Variants in RBFOX1 observed in about 807,000 individuals in gnomAD.
The protein encoded by RBFOX1 is RNA binding fox-1 homolog 1.
A neutral mutation model predicts 57.7 loss-of-function variants in RBFOX1; 8 were observed. The observed-to-expected ratio is 0.14, with a 90% CI of 0.08 to 0.25. The LOEUF (loss-of-function observed/expected upper bound fraction) is 0.25. Ranked by LOEUF, RBFOX1 falls within the 10% of genes least tolerant of loss-of-function variation. The pLI, the probability that RBFOX1 is intolerant of heterozygous loss-of-function variation, is 1.00. For missense variants in RBFOX1, 611 were observed against 548.5 expected, an observed-to-expected ratio of 1.11 and a Z score of -1.14; for synonymous variants, 326 against 222.4, an observed-to-expected ratio of 1.47 and a Z score of -4.15.
intron 14 of RBFOX1, among the ~76,000 whole-genome samples, chr16:7,682,052 T>A (rs1191961759): frequency 6.6e-6 from 1 of 152,160 alleles, no homozygotes; most frequent in Non-Finnish European, 1.5e-5. Flanking sequence ...ACACCAACCA[T>A]GTAATATGGT....
At chr16:5,983,570 A>C (rs368140693) in intron 4 of RBFOX1, among the ~76,000 whole-genome samples, 1 of 152,092 alleles carries the variant, frequency 6.6e-6, no homozygotes, top group South Asian at 2.1e-4. Context: ...AAACGCTAGC[A>C]CCCTGGGCAG....
At chr16:5,887,430 C>G (rs1051279139) in intron 4 of RBFOX1, among the ~76,000 whole-genome samples, 19 of 152,214 alleles carry the variant, frequency 1.2e-4, no homozygotes, top group Admixed American at 8.5e-4. Flanking sequence ...GAGATGTAGT[C>G]TCACTCTGTT....
At chr16:6,289,725 T>A (rs1244119057) in intron 1 of RBFOX1, among the ~76,000 whole-genome samples, 1 of 152,152 alleles carries the variant, frequency 6.6e-6, no homozygotes, top group Non-Finnish European at 1.5e-5. Context: ...GATGGTTGCA[T>A]CCTGGGGGGA....
intron 3 of RBFOX1, among the ~76,000 whole-genome samples, chr16:7,013,104 C>G (rs1449870264): frequency 1.3e-5 from 2 of 152,134 alleles, no homozygotes; most frequent in African/African-American, 4.8e-5. Flanking sequence ...TCTCAAAAGT[C>G]CCATCTCCAA....
intron 3 of RBFOX1, among the ~76,000 whole-genome samples, chr16:6,823,310 G>T: frequency 6.6e-6 from 1 of 151,168 alleles, no homozygotes; most frequent in East Asian, 1.9e-4. Context: ...TGGCTGGAGT[G>T]CAATGGCATG....
At chr16:7,032,240 C>G (rs1212778880) in intron 3 of RBFOX1, among the ~76,000 whole-genome samples, 1 of 152,012 alleles carries the variant, frequency 6.6e-6, no homozygotes, top group Non-Finnish European at 1.5e-5. Flanking sequence ...GACTGACCAA[C>G]ATGGTGAAAC....
chr16:6,248,124 G>A (rs897012261), intron 1 of RBFOX1, among the ~76,000 whole-genome samples: 3 of 152,188 alleles, frequency 2.0e-5, no homozygotes, highest in East Asian at 1.9e-4. Flanking sequence ...ATAGGAGCCA[G>A]TGTACCAGAA....
chr16:6,479,132 G>T (rs1046962499), intron 2 of RBFOX1, among the ~76,000 whole-genome samples: 5 of 152,166 alleles, frequency 3.3e-5, no homozygotes, highest in Admixed American at 3.3e-4. Flanking sequence ...AACTTTAAAA[G>T]TTTCATACTG....
intron 2 of RBFOX1, among the ~76,000 whole-genome samples, chr16:6,341,639 C>G (rs535824431): frequency 6.6e-6 from 1 of 151,320 alleles, no homozygotes; most frequent in Non-Finnish European, 1.5e-5. Context: ...TAAAGCACAT[C>G]TTCCCATTTT....
At chr16:5,919,804 C>G (rs2058781510) in intron 4 of RBFOX1, among the ~76,000 whole-genome samples, 1 of 152,174 alleles carries the variant, frequency 6.6e-6, no homozygotes, top group Non-Finnish European at 1.5e-5. Flanking sequence ...CTGGAAGTTA[C>G]TCATCTACTT....
chr16:6,518,024 C>T (rs1230161055), intron 2 of RBFOX1, among the ~76,000 whole-genome samples: 1 of 152,136 alleles, frequency 6.6e-6, no homozygotes, highest in East Asian at 1.9e-4. Context: ...CTCATTGACT[C>T]TGAAGTTCTT....
chr16:5,827,542 C>G (rs1345051417), intron 3 of RBFOX1, among the ~76,000 whole-genome samples: 5 of 151,910 alleles, frequency 3.3e-5, no homozygotes, highest in African/African-American at 1.2e-4. Flanking sequence ...ATTTTTCTGA[C>G]AAGGGCCAGG....
rs895133317 is a variant in RBFOX1 at position 7,528,654 on chromosome 16, G to A, written c.270+10265G>A. Among the ~76,000 whole-genome samples, 7 of 152,230 alleles carry A rather than the reference G, an allele frequency of 4.6e-5. No individual in the cohort carries two copies. The East Asian group carries it at 1.4e-3, about 29-fold the overall frequency. On this transcript the variant is annotated intron_variant, in intron 5 of 15. Transcript: ENST00000550418. ...TGCCTCCTGAGTAGCTGGGACTACA[G>A]GTGTTTTCCAGTGAACTTAGAAATA...
At chr16:5,259,200 T>C (rs566459684) in intron 1 of RBFOX1, among the ~76,000 whole-genome samples, 1 of 151,406 alleles carries the variant, frequency 6.6e-6, no homozygotes, top group South Asian at 2.1e-4. Context: ...TTTTTTTTTT[T>C]AGTGTTTTCC....
At chr16:5,942,457 G>T (rs1177280292) in intron 4 of RBFOX1, among the ~76,000 whole-genome samples, 1 of 152,092 alleles carries the variant, frequency 6.6e-6, no homozygotes, top group Non-Finnish European at 1.5e-5. Flanking sequence ...TATCTCATTC[G>T]ACCAATCTTA....
intron 4 of RBFOX1, among the ~76,000 whole-genome samples, chr16:7,131,775 T>C (rs2151978887): frequency 6.6e-6 from 1 of 152,090 alleles, no homozygotes; most frequent in Middle Eastern, 3.4e-3. Context: ...AGGAGCTTGA[T>C]TTGGGGCCTG....
In RBFOX1 at chr16:5,978,687, TTTG is replaced by T. The variant is rs940153284; in HGVS notation, c.351+111364_351+111366del. ...TTTTGTTTTTTTGTTTGTTTTTTTTTTTGTTGTTGTTGTTTTTTTAAATGATGA... is the reference window on the plus strand; with the variant it reads ...TTTTGTTTTTTTGTTTGTTTTTTTTTTTGTTGTTGTTTTTTTAAATGATGA... On this transcript the variant is annotated intron_variant, in intron 4 of 19. Coordinates refer to the RBFOX1 transcript ENST00000641259. 3.9e-4 allele frequency among the ~76,000 whole-genome samples: 58 copies of T among 150,188 alleles called. No homozygotes were observed. In the Middle Eastern group the frequency reaches 0.011, roughly 27 times the overall value.
At chr16:7,088,328 G>T (rs747949077) in intron 4 of RBFOX1, among the ~76,000 whole-genome samples, 1 of 152,060 alleles carries the variant, frequency 6.6e-6, no homozygotes, top group Non-Finnish European at 1.5e-5. Context: ...TATTTGTTTT[G>T]TTTTTGTTTC....
chr16:6,757,525 G>A (rs1171804922), intron 3 of RBFOX1, among the ~76,000 whole-genome samples: 4 of 152,168 alleles, frequency 2.6e-5, no homozygotes, highest in Non-Finnish European at 5.9e-5. Context: ...AGGTCATTAT[G>A]TTAACTGAAA....
Sources: allele counts gnomAD v4.1 joint callset (sites outside exome capture counted in the v4.1 genomes callset), GRCh38; gene constraint gnomAD v4.1.1; transcripts MANE v1.5; gene names NCBI Gene and HGNC (gene_info 2026-07-23, HGNC 2026-07-21).